AKAP7: variants seen among roughly 807,000 people sequenced by gnomAD.
AKAP7 encodes A-kinase anchoring protein 7.
AKAP7 carries 39 observed loss-of-function variants against 39.5 expected under a neutral mutation model. The observed-to-expected ratio is 0.99, with a 90% CI of 0.76 to 1.29. AKAP7 has a LOEUF of 1.29. AKAP7 is among the 50% of genes most tolerant of loss of function. AKAP7 has a pLI of 0.00. For synonymous variants in AKAP7, 140 were observed against 139.1 expected (o/e 1.01, Z -0.05); for missense variants, 414 against 407.7 (o/e 1.02, Z -0.13).
intron 3 of AKAP7, chr6:131,164,462 C>T: frequency 2.2e-6 from 1 of 455,654 alleles, no homozygotes; most frequent in Non-Finnish European, 4.4e-6. Context: ...CTCCTGGATG[C>T]AGATTCTGTT....
chr6:131,242,976 A>C (rs931928443), intron 7 of AKAP7, among the ~76,000 whole-genome samples: 3 of 152,154 alleles, frequency 2.0e-5, no homozygotes, highest in African/African-American at 7.2e-5. Context: ...GAGTTGATAA[A>C]AAGAGATTTA....
the AKAP7 span, among the ~76,000 whole-genome samples, chr6:131,129,834 C>T: frequency 2.6e-5 from 4 of 152,158 alleles, no homozygotes; most frequent in Non-Finnish European, 5.9e-5. Flanking sequence ...GATATTTGGC[C>T]GTGTCTTGTA....
Position 131,135,591 on chromosome 6 carries a change from C to T in AKAP7, c.-173C>T, listed in dbSNP as rs1219129931. The T allele has an allele frequency of 2.4e-5, 11 of 462,570 alleles. 1 individual carries two copies. Among genetic ancestry groups the T allele is most frequent in the Admixed American group, 6.4e-5 (1 of 15,646 alleles). 28.7% of individuals were successfully genotyped at this position (462,570 alleles called of 1,614,324 possible). On this transcript the variant is annotated 5_prime_UTR_variant, in exon 1 of 8. Transcript: ENST00000431975. ...CTCCGCGCTTCCGCAGGCCTGGCCT[C>T]CGCCGCCCGGGCCCCCGCAGCCTGT...
At chr6:131,188,558 G>C (rs1806096952) in intron 5 of AKAP7, among the ~76,000 whole-genome samples, 1 of 152,018 alleles carries the variant, frequency 6.6e-6, no homozygotes, top group Non-Finnish European at 1.5e-5. Flanking sequence ...TGTTTTTTAA[G>C]ACCGTGTATC....
At chr6:131,192,050 G>A (rs1231074681) in intron 5 of AKAP7, among the ~76,000 whole-genome samples, 1 of 151,998 alleles carries the variant, frequency 6.6e-6, no homozygotes, top group East Asian at 1.9e-4. Flanking sequence ...TGCTGGGATT[G>A]CAGATGTGAG....
rs3777470 is a variant in AKAP7 at position 131,200,414 on chromosome 6, C to T, written c.702+841C>T. 0.014 allele frequency among the ~76,000 whole-genome samples: 2,164 copies of T among 152,222 alleles called. 145 individuals carry two copies. The East Asian group carries it at 0.17, about 12-fold the overall frequency. ...GGAGATGGGCATGCAGATTAATATC[C>T]GCTCCCTGCTCTCCATGACCCTTTG... On this transcript the variant is annotated intron_variant, in intron 6 of 7. Transcript: ENST00000431975.
chr6:131,211,397 G>C (rs1407401215), intron 6 of AKAP7, among the ~76,000 whole-genome samples: 1 of 151,980 alleles, frequency 6.6e-6, no homozygotes, highest in African/African-American at 2.4e-5. Context: ...CTGGTTTGAT[G>C]CCTATTTTAA....
chr6:131,164,207 G>A (rs544640191), intron 3 of AKAP7: 29 of 330,704 alleles, frequency 8.8e-5, no homozygotes, highest in South Asian at 7.1e-4. Flanking sequence ...TTTCTATTGT[G>A]CTGCCTCAGG....
At chr6:131,252,933 C>T (rs959929681) in intron 7 of AKAP7, 18 of 1,080,020 alleles carry the variant, frequency 1.7e-5, no homozygotes, top group African/African-American at 3.1e-5. Flanking sequence ...CTGTAACAGG[C>T]GGTGGCCCTA....
chr6:131,251,207 G>A (rs9483240), intron 7 of AKAP7, among the ~76,000 whole-genome samples: 1 of 152,118 alleles, frequency 6.6e-6, no homozygotes, highest in Admixed American at 6.6e-5. Flanking sequence ...ATTCCACAGC[G>A]GCTTGTGCCT....
At chr6:131,201,078 A>C (rs1187643931) in intron 6 of AKAP7, among the ~76,000 whole-genome samples, 5 of 152,202 alleles carry the variant, frequency 3.3e-5, no homozygotes, top group Admixed American at 3.3e-4. Flanking sequence ...ATCTTACCCT[A>C]TAGAAAAGTA....
At chr6:131,225,121 C>T (rs1407283376) in intron 7 of AKAP7, among the ~76,000 whole-genome samples, 1 of 152,044 alleles carries the variant, frequency 6.6e-6, no homozygotes, top group Non-Finnish European at 1.5e-5. Flanking sequence ...ATTCTTCTGT[C>T]ATGTCTTTGA....
chr6:131,219,902 T>A, intron 7 of AKAP7, 94 bp downstream of exon 7: 1 of 849,398 alleles, frequency 1.2e-6, no homozygotes, highest in Non-Finnish European at 1.7e-6. Flanking sequence ...GTTGTATACG[T>A]TTTTCTCAAT....
chr6:131,209,411 C>T (rs544822146), intron 6 of AKAP7, among the ~76,000 whole-genome samples: 7 of 151,906 alleles, frequency 4.6e-5, no homozygotes, highest in African/African-American at 7.3e-5. Context: ...CCACCATGCC[C>T]GGCTAATTTT....
At chr6:131,280,870 A>G (rs974684090) in intron 7 of AKAP7, among the ~76,000 whole-genome samples, 1 of 152,240 alleles carries the variant, frequency 6.6e-6, no homozygotes, top group Non-Finnish European at 1.5e-5. Context: ...AAGTAAAATG[A>G]CCATAAAATA....
At chr6:131,138,113 G>A (rs892138673) in intron 1 of AKAP7, among the ~76,000 whole-genome samples, 8 of 151,236 alleles carry the variant, frequency 5.3e-5, no homozygotes, top group African/African-American at 1.2e-4. Context: ...CCCCCCACCC[G>A]TTCCACCACC....
intron 2 of AKAP7, among the ~76,000 whole-genome samples, chr6:131,151,703 GC>G (rs1242882248): frequency 6.6e-6 from 1 of 152,092 alleles, no homozygotes; most frequent in Non-Finnish European, 1.5e-5. Context: ...TCAAGATTGT[GC>G]CATTGTACTC....
intron 2 of AKAP7, among the ~76,000 whole-genome samples, chr6:131,150,868 G>A (rs899100142): frequency 1.3e-5 from 2 of 152,104 alleles, no homozygotes; most frequent in Admixed American, 6.5e-5. Context: ...TCCTTAAAAC[G>A]TAACTAGCCT....
intron 7 of AKAP7, among the ~76,000 whole-genome samples, chr6:131,227,690 A>C (rs1810294149): frequency 6.6e-6 from 1 of 152,224 alleles, no homozygotes; most frequent in African/African-American, 2.4e-5. Flanking sequence ...GTTCTAGATA[A>C]GTTAGTGCCA....
Sources: gnomAD v4.1 joint callset for allele counts (sites outside exome capture counted in the v4.1 genomes callset) on GRCh38, gnomAD v4.1.1 for gene constraint, MANE v1.5 for transcripts, NCBI Gene and HGNC (gene_info 2026-07-23, HGNC 2026-07-21) for gene names.